The following BRD1 variants were observed in gnomAD, a reference collection of about 807,000 sequenced individuals.
BRD1 encodes bromodomain-containing protein 1.
BRD1 carries 24 observed loss-of-function variants against 107.7 expected under a neutral mutation model. The ratio of observed to expected loss-of-function variants is 0.22; its 90% confidence interval spans 0.16 to 0.31. The LOEUF (loss-of-function observed/expected upper bound fraction) is 0.31, where lower values mean the gene tolerates loss of function less well. Ranked by LOEUF, BRD1 falls within the 10% of genes least tolerant of loss-of-function variation. The pLI, the probability that BRD1 is intolerant of heterozygous loss-of-function variation, is 1.00. For missense variants in BRD1, 1,279 were observed against 1,638.6 expected (o/e 0.78, Z 3.79); for synonymous variants, 744 against 686.1 (o/e 1.08, Z -1.32).
chr22:49,793,507 C>A (rs2059472301), intron 7 of BRD1, among the ~76,000 whole-genome samples: 1 of 152,236 alleles, frequency 6.6e-6, no homozygotes, highest in African/African-American at 2.4e-5. Flanking sequence ...GCCGGGGACC[C>A]TCGGGGCAGA....
At chr22:49,779,748 C>A (rs1340146602) in intron 8 of BRD1, among the ~76,000 whole-genome samples, 1 of 152,090 alleles carries the variant, frequency 6.6e-6, no homozygotes, top group Non-Finnish European at 1.5e-5. Context: ...CCCGTCCTGG[C>A]CCCCGAGAAC....
rs1569077428 is a variant in BRD1, at chr22:49,774,228, G to A, written c.*5C>T. On this transcript the variant is annotated 3_prime_UTR_variant, in exon 13 of 13. Transcript: ENST00000404760. ...TGGACAAGACCCGCGCTGGCGGCCGGGCCGTCAGTCAATGTCACTGAGGTC... is the reference window on the plus strand; with the variant it reads ...TGGACAAGACCCGCGCTGGCGGCCGAGCCGTCAGTCAATGTCACTGAGGTC... 6.2e-7 allele frequency: 1 copy of A among 1,611,608 alleles called. No individual in the cohort carries two copies.
rs559775450 is a variant in BRD1 at position 49,814,739 on chromosome 22, G to A, written c.1367+8212C>T. On this transcript the variant is annotated intron_variant, in intron 2 of 12. Transcript: ENST00000404760. ...AGGAAAGCCACCATCGCCTCCAGCA[G>A]GTAGCACCTAGGCTGGAGCAGAGGT... 2.6e-5 allele frequency among the ~76,000 whole-genome samples: 4 copies of A among 152,342 alleles called. No individual in the cohort carries two copies. In the South Asian group the frequency reaches 6.2e-4, roughly 24 times the overall value.
chr22:49,824,611 C>G lies in BRD1; in HGVS notation c.-14-280G>C, dbSNP rs2060126529. 7.9e-7 allele frequency: 1 copy of G among 1,258,354 alleles called. No homozygotes were observed. The highest frequency in any genetic ancestry group is 1.0e-6 in the Non-Finnish European group (1 of 992,236). 77.9% of individuals were successfully genotyped at this position (1,258,354 alleles called of 1,614,324 possible). A position where few individuals can be genotyped will look rare whatever the true frequency, so the allele number is the denominator to read the frequency against. On this transcript the variant is annotated intron_variant, in intron 1 of 12. Coordinates refer to ENST00000404760, the MANE Select transcript of BRD1 (RefSeq NM_001304808.3). The surrounding 1 kb of genome is among the most constrained non-coding windows in gnomAD (Gnocchi z 5.9). ...ACCACACACCAGTCCCCTCTCAGAC[C>G]ACACCAACAGGCTGCGGAGACCACA... is the stretch of plus-strand genomic sequence containing the variant.
chr22:49,779,745 T>G (rs982266054), intron 8 of BRD1, among the ~76,000 whole-genome samples: 12 of 152,030 alleles, frequency 7.9e-5, no homozygotes, highest in African/African-American at 2.9e-4. Context: ...AGTCCCGTCC[T>G]GGCCCCCGAG....
chr22:49,813,742 T>C (rs1425388795), intron 2 of BRD1, among the ~76,000 whole-genome samples: 12 of 151,236 alleles, frequency 7.9e-5, no homozygotes, highest in Admixed American at 7.9e-4. Context: ...TGAGGCAGAA[T>C]CGCTTGAGCC....
chr22:49,796,151 C>T (rs1404503774), intron 6 of BRD1, among the ~76,000 whole-genome samples: 2 of 150,600 alleles, frequency 1.3e-5, no homozygotes, highest in Admixed American at 6.6e-5. Flanking sequence ...AGTGTAGTGG[C>T]GTAATCTCGG....
rs536476651 is a variant in BRD1 at position 49,787,307 on chromosome 22, C to T, written c.2857+83G>A. 2.0e-4 allele frequency: 206 copies of T among 1,042,198 alleles called. 47 individuals are homozygous for T. Among genetic ancestry groups the T allele is most frequent in the Middle Eastern group, 9.6e-4 (3 of 3,112 alleles). The allele number at this position is 1,042,198 out of a possible 1,614,324, so 64.6% of individuals were successfully genotyped here. On this transcript the variant is annotated intron_variant, in intron 8 of 12. Coordinates refer to ENST00000404760, the MANE Select transcript of BRD1 (RefSeq NM_001304808.3). The stretch of plus-strand genomic sequence containing the variant: ...AAAAACAGAAGCTGGACACCCCCCC[C>T]CCCCCGTCACACCAATGATCCTGAA...
At chr22:49,781,512 G>A (rs2059207439) in intron 8 of BRD1, among the ~76,000 whole-genome samples, 1 of 152,254 alleles carries the variant, frequency 6.6e-6, no homozygotes, top group Non-Finnish European at 1.5e-5. Context: ...GGCCACAGGT[G>A]TAAGAACACC....
chr22:49,796,183 C>T (rs1257547950), intron 6 of BRD1, among the ~76,000 whole-genome samples: 3 of 151,808 alleles, frequency 2.0e-5, no homozygotes, highest in Admixed American at 6.6e-5. Context: ...CACCGCCTCC[C>T]GGATTCACGC....
At position 49,787,624 on chromosome 22, in the gene BRD1, T is replaced by A. The variant is rs775517984; in HGVS notation, c.2623A>T (p.Ser875Cys). The change falls in exon 8 of 13, where the codon AGC (serine) becomes TGC (cysteine). Residue 875 changes from serine (S) to cysteine (C), a missense_variant. Physicochemically the swap from Ser to Cys is moderately radical, Grantham distance 112 (BLOSUM62 -1). Transcript: ENST00000404760. ...ACAGAAGTGCGTCTGTTTACATCGC[T>A]TGCTGGCTCCGCCACCGCGGAGGCC... ...AAASAVAEPA[S>C]DVNRRTSVLF... The A allele has an allele frequency of 3.2e-6, 5 of 1,551,230 alleles. No homozygotes were observed. Among genetic ancestry groups the A allele is most frequent in the African/African-American group, 1.4e-5 (1 of 73,196 alleles).
At chr22:49,798,235 C>T (rs2059571713) in intron 5 of BRD1, 118 bp from the exon 6 acceptor site, 6 of 1,096,890 alleles carry the variant, frequency 5.5e-6, no homozygotes, top group Non-Finnish European at 6.5e-6. Flanking sequence ...CACACAGACA[C>T]GCAGACGGTA....
At chr22:49,776,246 G>A (rs2059097493) in intron 10 of BRD1, 87 bp from the exon 11 acceptor site, 2 of 1,226,136 alleles carry the variant, frequency 1.6e-6, no homozygotes, top group South Asian at 1.3e-5. Context: ...GCAACAGGGT[G>A]GGTCCCCCGA....
intron 12 of BRD1, among the ~76,000 whole-genome samples, 194 bp from the exon 13 acceptor site, chr22:49,774,610 G>C (rs1173514778): frequency 1.3e-5 from 2 of 152,048 alleles, no homozygotes; most frequent in Non-Finnish European, 2.9e-5. Flanking sequence ...CCCCGACTTG[G>C]GGATACGGGG....
intron 6 of BRD1, among the ~76,000 whole-genome samples, chr22:49,796,239 C>T (rs1412566159): frequency 7.9e-5 from 12 of 152,086 alleles, no homozygotes; most frequent in Non-Finnish European, 1.3e-4. Context: ...TACAGGTGCC[C>T]GCCACCATGC....
chr22:49,799,124 G>C lies in BRD1; in HGVS notation c.1525-5C>G. The C allele has an allele frequency of 1.2e-6, 2 of 1,604,290 alleles. No homozygotes were observed. The highest frequency in any genetic ancestry group is 1.7e-6 in the Non-Finnish European group (2 of 1,178,976). ...CATCTCCTCATCATTTTCTCTCTGA[G>C]AACAGTGAACACTTCCGTCAGTCAA... is the stretch of plus-strand genomic sequence containing the variant. On this transcript the variant is annotated splice_polypyrimidine_tract_variant and splice_region_variant and intron_variant, in intron 3 of 12. Transcript: ENST00000404760.
rs540815963 is a variant in BRD1 at position 49,779,914 on chromosome 22, C to A, written c.2858-2101G>T. ...AGAGGGGTCTGCCAACGCGTGTGAC[C>A]CGTCTCCAGAGAGCAGCCACGAGCC... On this transcript the variant is annotated intron_variant, in intron 8 of 12. Transcript: ENST00000404760. 1.4e-3 allele frequency among the ~76,000 whole-genome samples: 220 copies of A among 152,264 alleles called. 1 individual carries two copies. The highest frequency in any genetic ancestry group is 5.0e-3 in the African/African-American group (209 of 41,542).
intron 2 of BRD1, chr22:49,817,646 C>T (rs8142132): frequency 0.073 from 16,427 of 226,138 alleles, 806 homozygotes; most frequent in South Asian, 0.15. Context: ...ACAAAGGGAC[C>T]GGTACCATCT....
At chr22:49,790,923 G>A (rs1327824209) in intron 7 of BRD1, among the ~76,000 whole-genome samples, 1 of 152,340 alleles carries the variant, frequency 6.6e-6, no homozygotes, top group East Asian at 1.9e-4. Context: ...TAAAGGGGAC[G>A]CCCCGGAGCC....
Sources: gnomAD v4.1 joint callset for allele counts (sites outside exome capture counted in the v4.1 genomes callset) on GRCh38, gnomAD v4.1.1 for gene constraint, Gnocchi (gnomAD v3.1) non-coding constraint, MANE v1.5 for transcripts, NCBI Gene and HGNC (gene_info 2026-07-23, HGNC 2026-07-21) for gene names.